The following SNX9 variants were observed in gnomAD, a reference collection of about 807,000 sequenced individuals.
SNX9 encodes sorting nexin 9, also known as sorting nexin-9.
A neutral mutation model predicts 89.4 loss-of-function variants in SNX9; 44 were observed. That is an observed-to-expected ratio of 0.49 (90% CI 0.39 to 0.63). The LOEUF (loss-of-function observed/expected upper bound fraction) is 0.63. Ranked by LOEUF, SNX9 falls within the 30% of genes least tolerant of loss-of-function variation. The pLI is 0.00. For missense variants in SNX9, 578 were observed against 736.1 expected, an observed-to-expected ratio of 0.79 and a Z score of 2.49; for synonymous variants, 236 against 247.8, an observed-to-expected ratio of 0.95 and a Z score of 0.45.
chr6:157,876,861 A>AC (rs1418197688), intron 4 of SNX9, among the ~76,000 whole-genome samples: 3 of 152,220 alleles, frequency 2.0e-5, no homozygotes, highest in Non-Finnish European at 4.4e-5. Flanking sequence ...AGTCACATGC[A>AC]CGCCACCTCA....
At chr6:157,936,324 G>A (rs1163394311) in intron 14 of SNX9, among the ~76,000 whole-genome samples, 1 of 152,116 alleles carries the variant, frequency 6.6e-6, no homozygotes, top group African/African-American at 2.4e-5. Context: ...CCAGGAGTTC[G>A]AGACCAGCCT....
intron 1 of SNX9, among the ~76,000 whole-genome samples, chr6:157,829,724 A>G (rs541697689): frequency 5.3e-5 from 8 of 152,144 alleles, no homozygotes; most frequent in Non-Finnish European, 1.0e-4. Context: ...ATTTTTTCTT[A>G]AAGACTATAT....
At chr6:157,853,039 A>G (rs534657307) in intron 1 of SNX9, among the ~76,000 whole-genome samples, 10 of 150,750 alleles carry the variant, frequency 6.6e-5, no homozygotes, top group Admixed American at 1.3e-4. Flanking sequence ...TGTATTTACC[A>G]TTCCTGGTGC....
intron 1 of SNX9, among the ~76,000 whole-genome samples, chr6:157,834,475 T>C (rs1476174091): frequency 6.6e-6 from 1 of 151,112 alleles, no homozygotes; most frequent in Non-Finnish European, 1.5e-5. Context: ...GCCTCACAAG[T>C]AGCTTGGACT....
At chr6:157,927,718 C>CTT (rs761592456) in intron 11 of SNX9, among the ~76,000 whole-genome samples, 1,013 of 98,736 alleles carry the variant, frequency 0.01, 126 homozygotes, top group African/African-American at 0.026. Flanking sequence ...TAATTTTAAG[C>CTT]TTTTTTTTTT....
intron 4 of SNX9, among the ~76,000 whole-genome samples, chr6:157,875,431 A>G (rs1437851330): frequency 6.6e-6 from 1 of 152,220 alleles, no homozygotes; most frequent in East Asian, 1.9e-4. Flanking sequence ...CTGTCATGAT[A>G]TGAACACAGA....
chr6:157,853,063 G>A (rs1781944508), intron 1 of SNX9, among the ~76,000 whole-genome samples: 1 of 151,190 alleles, frequency 6.6e-6, no homozygotes, highest in South Asian at 2.1e-4. Flanking sequence ...TCCTTCTTTT[G>A]TGTGGATTCA....
intron 1 of SNX9, among the ~76,000 whole-genome samples, chr6:157,850,244 C>T (rs772457276): frequency 2.0e-4 from 30 of 152,112 alleles, no homozygotes; most frequent in Non-Finnish European, 4.3e-4. Context: ...TTGGCCAGAG[C>T]TGTTTCAGTG....
chr6:157,879,738 T>A (rs1299106327), intron 4 of SNX9, among the ~76,000 whole-genome samples: 3 of 152,340 alleles, frequency 2.0e-5, no homozygotes, highest in African/African-American at 7.2e-5. Context: ...GCTAGTCTTG[T>A]TTTTCATCAG....
chr6:157,859,728 AT>A (rs1782081491), intron 1 of SNX9, among the ~76,000 whole-genome samples: 1 of 152,118 alleles, frequency 6.6e-6, no homozygotes, highest in Non-Finnish European at 1.5e-5. Flanking sequence ...TTTAAGGGCC[AT>A]TGTATTCTTT....
intron 1 of SNX9, among the ~76,000 whole-genome samples, chr6:157,854,091 G>A (rs1781964664): frequency 6.6e-6 from 1 of 152,228 alleles, no homozygotes; most frequent in African/African-American, 2.4e-5. Context: ...ACACACTGGT[G>A]AGGGTGTGGG....
At chr6:157,834,705 T>A (rs1298690610) in intron 1 of SNX9, among the ~76,000 whole-genome samples, 2 of 152,078 alleles carry the variant, frequency 1.3e-5, no homozygotes, top group African/African-American at 4.8e-5. Context: ...CAAGTGCCCA[T>A]CTGAGCACGT....
intron 5 of SNX9, among the ~76,000 whole-genome samples, chr6:157,900,040 CTT>C (rs1278112343): frequency 1.3e-5 from 2 of 152,142 alleles, no homozygotes; most frequent in Non-Finnish European, 2.9e-5. Flanking sequence ...GATCTCTAGA[CTT>C]ATCCTACATG....
chr6:157,908,127 C>G (rs190986328), intron 7 of SNX9, among the ~76,000 whole-genome samples: 1 of 151,154 alleles, frequency 6.6e-6, no homozygotes, highest in African/African-American at 2.4e-5. Flanking sequence ...ACCTTTTTTT[C>G]CTTTTTATGT....
chr6:157,917,899 C>G (rs1783507223), intron 9 of SNX9, among the ~76,000 whole-genome samples: 1 of 152,182 alleles, frequency 6.6e-6, no homozygotes, highest in South Asian at 2.1e-4. Context: ...AGAACCAACT[C>G]TATGTTTAAT....
intron 1 of SNX9, among the ~76,000 whole-genome samples, chr6:157,829,640 A>G (rs1781445203): frequency 6.6e-6 from 1 of 152,194 alleles, no homozygotes; most frequent in Non-Finnish European, 1.5e-5. Flanking sequence ...CTCTACATTT[A>G]CAATTAGTAT....
intron 1 of SNX9, among the ~76,000 whole-genome samples, chr6:157,865,273 A>T (rs1298679212): frequency 1.4e-5 from 2 of 146,640 alleles, no homozygotes; most frequent in Non-Finnish European, 3.0e-5. Context: ...CAGGAGGCAG[A>T]GGTTGCAGTG....
chr6:157,846,317 G>C (rs2115117614), intron 1 of SNX9, among the ~76,000 whole-genome samples: 1 of 152,336 alleles, frequency 6.6e-6, no homozygotes, highest in South Asian at 2.1e-4. Flanking sequence ...CATTTGTGCT[G>C]CATTAAAAGC....
At chr6:157,879,364 T>G (rs1474002948) in intron 4 of SNX9, among the ~76,000 whole-genome samples, 2 of 152,188 alleles carry the variant, frequency 1.3e-5, no homozygotes, top group Non-Finnish European at 2.9e-5. Flanking sequence ...AGGTATGATT[T>G]TTTTAAAAGG....
Sources: gnomAD v4.1 joint callset for allele counts (sites outside exome capture counted in the v4.1 genomes callset) on GRCh38, gnomAD v4.1.1 for gene constraint, MANE v1.5 for transcripts, NCBI Gene and HGNC (gene_info 2026-07-23, HGNC 2026-07-21) for gene names.